FHAD1: variants seen among roughly 807,000 people sequenced by gnomAD.
FHAD1 encodes forkhead-associated domain-containing protein 1.
A neutral mutation model predicts 191.3 loss-of-function variants in FHAD1; 146 were observed. The observed-to-expected ratio is 0.76, with a 90% CI of 0.67 to 0.88. The LOEUF is 0.88. Ranked by LOEUF, FHAD1 falls within the 40% of genes least tolerant of loss-of-function variation. FHAD1 has a pLI of 0.00. For synonymous variants in FHAD1, 616 were observed against 672.3 expected (o/e 0.92, Z 1.29); for missense variants, 1,635 against 1,785.8 (o/e 0.92, Z 1.52).
At chr1:15,274,554 G>A (rs923339541) in intron 3 of FHAD1, among the ~76,000 whole-genome samples, 22 of 151,906 alleles carry the variant, frequency 1.4e-4, no homozygotes, top group Non-Finnish European at 2.9e-4. Context: ...GGAGGTTGCC[G>A]TGAGCCGAGA....
chr1:15,246,054 C>G (rs970695246), upstream of FHAD1, among the ~76,000 whole-genome samples: 5 of 152,172 alleles, frequency 3.3e-5, no homozygotes, highest in Non-Finnish European at 7.4e-5. Flanking sequence ...CAGTTCTGCA[C>G]TGCTAGGGAG....
At chr1:15,308,535 G>A (rs1006176317) in intron 6 of FHAD1, 78 bp from the exon 7 acceptor site, 9 of 1,514,504 alleles carry the variant, frequency 5.9e-6, no homozygotes, top group African/African-American at 1.4e-5. Context: ...GAATCTTTCT[G>A]TCAAGCTTGT....
At chr1:15,306,419 C>T (rs1670501777) in intron 6 of FHAD1, among the ~76,000 whole-genome samples, 1 of 152,178 alleles carries the variant, frequency 6.6e-6, no homozygotes, top group African/African-American at 2.4e-5. Flanking sequence ...AAGCCAGCTG[C>T]AGAAATTTGC....
intron 19 of FHAD1, among the ~76,000 whole-genome samples, chr1:15,351,899 C>T (rs1478256504): frequency 6.6e-6 from 1 of 152,050 alleles, no homozygotes; most frequent in Non-Finnish European, 1.5e-5. Context: ...ATGTTAAAAC[C>T]GGGAACATTG....
rs761683608 is a variant in FHAD1, at chr1:15,289,488, A to G, written c.390A>G (p.Pro130=). 4 of 1,551,708 alleles carry G rather than the reference A, an allele frequency of 2.6e-6. No homozygotes were observed. Reference sequence around the variant, plus strand: ...AGCAGCCAAACCAGGCCCCCCCACCATCACATATCCCCTTCCACCAAGGTG... The same window carrying G: ...AGCAGCCAAACCAGGCCCCCCCACCGTCACATATCCCCTTCCACCAAGGTG... ...ATQQPNQAPP[P]SHIPFHQGVQ... Residue 130 remains proline (P), a synonymous_variant, in exon 4 of 34, where the codon CCA becomes CCG. Coordinates refer to ENST00000688493, the MANE Select transcript of FHAD1 (RefSeq NM_001391957.1). The surrounding 1 kb of genome is among the most constrained non-coding windows in gnomAD (Gnocchi z 4.2).
At position 15,272,306 on chromosome 1, in the gene FHAD1, C is replaced by T. The variant is rs779278948; in HGVS notation, c.94-17C>T. On this transcript the variant is annotated splice_polypyrimidine_tract_variant and intron_variant, in intron 2 of 33. Transcript: ENST00000688493. The stretch of plus-strand genomic sequence containing the variant: ...TTTTGTTTTCATGGCTACGACTGTC[C>T]TCCTTCTCCGTTGCAGTCTCCTGAC... The T allele has an allele frequency of 9.7e-6, 15 of 1,543,454 alleles. No individual in the cohort carries two copies. Among genetic ancestry groups the T allele is most frequent in the African/African-American group, 1.4e-5 (1 of 72,914 alleles).
chr1:15,287,545 C>T (rs1024017746), intron 3 of FHAD1, among the ~76,000 whole-genome samples: 1 of 152,168 alleles, frequency 6.6e-6, no homozygotes, highest in African/African-American at 2.4e-5. Context: ...AGAAGTCACT[C>T]ATTATCACGA....
At chr1:15,367,667 T>C in intron 25 of FHAD1, 45 bp downstream of exon 25, 1 of 1,496,502 alleles carries the variant, frequency 6.7e-7, no homozygotes, top group South Asian at 1.3e-5. Context: ...TTGCCTGCCG[T>C]GGGGAGCCGC....
chr1:15,317,790 T>A, intron 9 of FHAD1, 34 bp from the exon 10 acceptor site: 1 of 1,473,408 alleles, frequency 6.8e-7, no homozygotes, highest in Non-Finnish European at 9.3e-7. Flanking sequence ...CCTGCCCCCA[T>A]CAGGGAGGTT....
intron 14 of FHAD1, among the ~76,000 whole-genome samples, chr1:15,336,045 G>A (rs977980939): frequency 6.6e-6 from 1 of 152,000 alleles, no homozygotes; most frequent in African/African-American, 2.4e-5. Context: ...CACCTCCTCC[G>A]CCATCTTGGT....
intron 2 of FHAD1, among the ~76,000 whole-genome samples, chr1:15,256,242 G>A (rs1648001662): frequency 6.6e-6 from 1 of 152,202 alleles, no homozygotes; most frequent in Admixed American, 6.5e-5. Flanking sequence ...ATGTGCATGA[G>A]TGTGATTGTT....
chr1:15,341,168 C>A (rs1484290999), intron 15 of FHAD1, among the ~76,000 whole-genome samples: 3 of 152,074 alleles, frequency 2.0e-5, no homozygotes. Context: ...GGCGACAGAG[C>A]AAGACACCAT....
intron 2 of FHAD1, among the ~76,000 whole-genome samples, chr1:15,263,658 ACTACAGGCACCT>A (rs1367288444): frequency 1.4e-4 from 21 of 151,792 alleles, no homozygotes; most frequent in Non-Finnish European, 2.6e-4. Context: ...AGTAGCTGGG[ACTACAGGCACCT>A]GCCACCACGC....
chr1:15,359,275 C>G (rs1162335308), intron 21 of FHAD1, among the ~76,000 whole-genome samples: 1 of 152,068 alleles, frequency 6.6e-6, no homozygotes. Context: ...AAGACAAGAG[C>G]CTAATCTGGA....
intron 14 of FHAD1, among the ~76,000 whole-genome samples, chr1:15,338,439 G>A (rs1341278524): frequency 6.6e-6 from 1 of 152,122 alleles, no homozygotes; most frequent in Non-Finnish European, 1.5e-5. Context: ...CTGTGGTCAA[G>A]CCTCCGTCTG....
chr1:15,341,708 G>A lies in FHAD1; in HGVS notation c.1978-28G>A, dbSNP rs574923564. 9 of 1,536,610 alleles carry A rather than the reference G, an allele frequency of 5.9e-6. No individual in the cohort carries two copies. In the African/African-American group the frequency reaches 1.1e-4, roughly 19 times the overall value. On this transcript the variant is annotated intron_variant, in intron 15 of 33. Coordinates refer to ENST00000688493, the MANE Select transcript of FHAD1 (RefSeq NM_001391957.1). Reference sequence around the variant, plus strand: ...CTTTAGTTAGGCCTGTCCCCCATCAGCATCGGTTTACTTTTCTCACATTTC... The same window carrying A: ...CTTTAGTTAGGCCTGTCCCCCATCAACATCGGTTTACTTTTCTCACATTTC...
chr1:15,312,973 G>C lies in FHAD1; in HGVS notation c.1040-84G>C. The C allele has an allele frequency of 6.6e-7, 1 of 1,508,560 alleles. No homozygotes were observed. The highest frequency in any genetic ancestry group is 1.3e-5 in the South Asian group (1 of 77,586). The allele number at this position is 1,508,560 out of a possible 1,614,324, so 93.4% of individuals were successfully genotyped here. Reference sequence around the variant, plus strand: ...GAGACACCTCCCTTCTCAGTGCCAGGCTCGTCACAAACTGGTTGACAGCGG... The same window carrying C: ...GAGACACCTCCCTTCTCAGTGCCAGCCTCGTCACAAACTGGTTGACAGCGG... On this transcript the variant is annotated intron_variant, in intron 7 of 33. Transcript: ENST00000688493. The surrounding 1 kb of genome is among the most constrained non-coding windows in gnomAD (Gnocchi z 4.7).
chr1:15,356,948 G>A (rs1258681931), intron 20 of FHAD1, among the ~76,000 whole-genome samples: 1 of 152,116 alleles, frequency 6.6e-6, no homozygotes, highest in Non-Finnish European at 1.5e-5. Context: ...CCATGGCCTG[G>A]GTTTGCACTG....
chr1:15,241,698 T>A (rs759820751), intron 1 of FHAD1, among the ~76,000 whole-genome samples: 12 of 151,490 alleles, frequency 7.9e-5, no homozygotes, highest in East Asian at 1.9e-4. Context: ...CCAGAACGAA[T>A]CTATGACATT....
Sources: allele counts gnomAD v4.1 joint callset (sites outside exome capture counted in the v4.1 genomes callset), GRCh38; gene constraint gnomAD v4.1.1; non-coding constraint Gnocchi (gnomAD v3.1); transcripts MANE v1.5; gene names NCBI Gene and HGNC (gene_info 2026-07-23, HGNC 2026-07-21).